Variants in STXBP4 observed in about 807,000 individuals in gnomAD.
The protein encoded by STXBP4 is syntaxin-binding protein 4.
STXBP4 carries 55 observed loss-of-function variants against 76.1 expected under a neutral mutation model. That is an observed-to-expected ratio of 0.72 (90% CI 0.58 to 0.91). The LOEUF (loss-of-function observed/expected upper bound fraction) is 0.91, where lower values mean the gene tolerates loss of function less well. Among genes scored for constraint, STXBP4 ranks in the 40% least tolerant of loss-of-function variants. The pLI, the probability that STXBP4 is intolerant of heterozygous loss-of-function variation, is 0.00. For synonymous variants in STXBP4, 201 were observed against 220.2 expected, an observed-to-expected ratio of 0.91 and a Z score of 0.77; for missense variants, 618 against 636.9, an observed-to-expected ratio of 0.97 and a Z score of 0.32.
intron 12 of STXBP4, among the ~76,000 whole-genome samples, chr17:55,051,809 G>A (rs953802755): frequency 2.6e-5 from 4 of 151,960 alleles, no homozygotes; most frequent in Non-Finnish European, 5.9e-5. Flanking sequence ...TGAATTGGAT[G>A]TATCATTGTG....
At chr17:55,073,578 A>T (rs1213817855) in intron 13 of STXBP4, among the ~76,000 whole-genome samples, 1 of 152,068 alleles carries the variant, frequency 6.6e-6, no homozygotes, top group Non-Finnish European at 1.5e-5. Flanking sequence ...CCAATAGATG[A>T]TTTTCCAGTT....
intron 16 of STXBP4, among the ~76,000 whole-genome samples, chr17:55,117,986 C>T (rs1315704006): frequency 6.6e-6 from 1 of 151,922 alleles, no homozygotes; most frequent in South Asian, 2.1e-4. Context: ...GATGTAATTA[C>T]ATATAGTGGT....
At chr17:55,052,647 A>C (rs531352031) in intron 12 of STXBP4, among the ~76,000 whole-genome samples, 1 of 152,110 alleles carries the variant, frequency 6.6e-6, no homozygotes, top group Non-Finnish European at 1.5e-5. Context: ...ATTAATTGCA[A>C]GGGGGTAAAA....
intron 16 of STXBP4, among the ~76,000 whole-genome samples, chr17:55,089,933 G>C (rs2079388717): frequency 6.6e-6 from 1 of 152,080 alleles, no homozygotes; most frequent in African/African-American, 2.4e-5. Context: ...ATCTTCAAAA[G>C]CACTAGCTGT....
At chr17:55,181,458 A>G in the STXBP4 span, among the ~76,000 whole-genome samples, 4 of 152,218 alleles carry the variant, frequency 2.6e-5, no homozygotes, top group East Asian at 1.9e-4. Context: ...TTTTGCTGAT[A>G]TCTCATTCAG....
rs530513398 is a variant in STXBP4, at chr17:55,091,464, AAAATCCAAAACTT to A, written c.1489+10282_1489+10294del. On this transcript the variant is annotated intron_variant, in intron 16 of 17. Coordinates refer to ENST00000376352, the MANE Select transcript of STXBP4 (RefSeq NM_178509.6). Reference sequence around the variant, plus strand: ...TGAAATCCCAAATTTGAAATGCCCCAAAATCCAAAACTTTTGAGTGCAGATATGGCCCCAGAAG... The same window carrying A: ...TGAAATCCCAAATTTGAAATGCCCCATTGAGTGCAGATATGGCCCCAGAAG... Among the ~76,000 whole-genome samples, 49 of 152,278 alleles carry A rather than the reference AAAATCCAAAACTT, an allele frequency of 3.2e-4. 1 individual carries two copies. In the East Asian group the frequency reaches 3.9e-3, roughly 12 times the overall value.
intron 16 of STXBP4, among the ~76,000 whole-genome samples, chr17:55,115,354 T>C (rs1282432356): frequency 6.6e-6 from 1 of 151,890 alleles, no homozygotes; most frequent in Non-Finnish European, 1.5e-5. Context: ...TATATCAGTA[T>C]AGAATATGGC....
intron 16 of STXBP4, among the ~76,000 whole-genome samples, chr17:55,121,852 C>T (rs987470451): frequency 2.0e-5 from 3 of 152,036 alleles, no homozygotes; most frequent in African/African-American, 7.2e-5. Context: ...TCTTTCCTGC[C>T]TTCAATACGA....
At chr17:55,158,275 T>C (rs2080302812) in intron 17 of STXBP4, among the ~76,000 whole-genome samples, 1 of 152,174 alleles carries the variant, frequency 6.6e-6, no homozygotes, top group African/African-American at 2.4e-5. Flanking sequence ...GAACATACTT[T>C]GGAAAATGTT....
chr17:54,969,841 T>C (rs144459242), intron 1 of STXBP4, among the ~76,000 whole-genome samples: 1 of 152,328 alleles, frequency 6.6e-6, no homozygotes, highest in East Asian at 1.9e-4. Context: ...ACTTCAGTGA[T>C]GGAGTGTCCT....
intron 12 of STXBP4, among the ~76,000 whole-genome samples, chr17:55,049,646 G>A (rs1053487776): frequency 6.6e-6 from 1 of 151,650 alleles, no homozygotes; most frequent in African/African-American, 2.4e-5. Flanking sequence ...AAGTAAAAAG[G>A]ACACACAAAG....
Position 55,043,706 on chromosome 17 carries a change from C to T in STXBP4, c.945+381C>T. 4 of 1,474,308 alleles carry T rather than the reference C, an allele frequency of 2.7e-6. No homozygotes were observed. In the South Asian group the frequency reaches 5.0e-5, roughly 19 times the overall value. 91.3% of individuals were successfully genotyped at this position (1,474,308 alleles called of 1,614,324 possible). On this transcript the variant is annotated intron_variant, in intron 11 of 17. Transcript: ENST00000376352. Reference sequence around the variant, plus strand: ...TGGGAAATACATTTTTTTTCATGTGCAGGGCTATTCTTAAGGGACATCATG... The same window carrying T: ...TGGGAAATACATTTTTTTTCATGTGTAGGGCTATTCTTAAGGGACATCATG...
At chr17:55,029,573 C>T in intron 8 of STXBP4, among the ~76,000 whole-genome samples, 1 of 150,192 alleles carries the variant, frequency 6.7e-6, no homozygotes. Flanking sequence ...ATCATTATGC[C>T]ATGTTATACA....
In STXBP4 at chr17:55,163,043, A is replaced by G. The variant is rs564064291; in HGVS notation, c.*3132A>G. Reference sequence around the variant, plus strand: ...GTATGTCTATAGTGTGAATACATTCATAAATTTCTTGATCAAAGCTAGGTC... The same window carrying G: ...GTATGTCTATAGTGTGAATACATTCGTAAATTTCTTGATCAAAGCTAGGTC... On this transcript the variant is annotated 3_prime_UTR_variant, in exon 18 of 18. Transcript: ENST00000376352. 13 of 152,294 alleles carry G rather than the reference A, an allele frequency of 8.5e-5. No homozygotes were observed. The East Asian group carries it at 1.9e-3, about 23-fold the overall frequency. The allele number at this position is 152,294 out of a possible 1,614,324, so 9.4% of individuals were successfully genotyped here. A position where few individuals can be genotyped will look rare whatever the true frequency, so the allele number is the denominator to read the frequency against.
At chr17:55,176,090 T>C (rs1170280246), downstream of STXBP4, among the ~76,000 whole-genome samples, 4 of 152,200 alleles carry the variant, frequency 2.6e-5, no homozygotes, top group Admixed American at 2.6e-4. Flanking sequence ...AAACCATTCA[T>C]TTTTTGATGG....
At chr17:55,083,794 A>G (rs969357656) in intron 16 of STXBP4, among the ~76,000 whole-genome samples, 2 of 152,192 alleles carry the variant, frequency 1.3e-5, no homozygotes, top group African/African-American at 4.8e-5. Context: ...TAGGTGTTTC[A>G]GTGAACAAGA....
At chr17:54,970,301 G>T (rs967321957) in intron 1 of STXBP4, among the ~76,000 whole-genome samples, 11 of 152,112 alleles carry the variant, frequency 7.2e-5, no homozygotes, top group South Asian at 2.1e-4. Context: ...TCACATTTTT[G>T]AAAAGATATT....
chr17:54,990,796 C>G (rs2144405135), intron 3 of STXBP4, 29 bp from the exon 4 acceptor site: 2 of 1,575,836 alleles, frequency 1.3e-6, no homozygotes, highest in Non-Finnish European at 1.7e-6. Context: ...TCTAGACTAA[C>G]CTGTGTGTGC....
rs1231298064 is a variant in STXBP4, at chr17:55,078,082, G to A, written c.1193G>A (p.Ser398Asn). Residue 398 changes from serine (S) to asparagine (N), a missense_variant, in exon 14 of 18, where the codon AGT becomes AAT. Physicochemically the swap from Ser to Asn is conservative, Grantham distance 46 (BLOSUM62 1). Transcript: ENST00000376352. ...LADYSDQNKE[S>N]VQDLKKRIMV... ...CCTTTTGATATCTCTGTGCAGGAAAGTGTTCAGGATTTAAAAAAGAGAATC... is the reference window on the plus strand; with the variant it reads ...CCTTTTGATATCTCTGTGCAGGAAAATGTTCAGGATTTAAAAAAGAGAATC... 2 of 1,601,220 alleles carry A rather than the reference G, an allele frequency of 1.2e-6. No individual in the cohort carries two copies. Among genetic ancestry groups the A allele is most frequent in the Admixed American group, 3.4e-5 (2 of 58,716 alleles).
Sources: allele counts gnomAD v4.1 joint callset (sites outside exome capture counted in the v4.1 genomes callset), GRCh38; gene constraint gnomAD v4.1.1; transcripts MANE v1.5; gene names NCBI Gene and HGNC (gene_info 2026-07-23, HGNC 2026-07-21).